Variants in KALRN observed in about 807,000 individuals in gnomAD.
KALRN encodes kalirin.
A neutral mutation model predicts 353.7 loss-of-function variants in KALRN; 70 were observed. The ratio of observed to expected loss-of-function variants is 0.20; its 90% CI spans 0.16 to 0.24. KALRN has a LOEUF of 0.24. Ranked by LOEUF, KALRN falls within the 10% of genes least tolerant of loss-of-function variation. KALRN has a pLI of 1.00. For synonymous variants in KALRN, 1,391 were observed against 1,434.8 expected, an observed-to-expected ratio of 0.97 and a Z score of 0.69; for missense variants, 2,791 against 3,756.7, an observed-to-expected ratio of 0.74 and a Z score of 6.72.
At chr3:124,166,911 G>A (rs905117406) in intron 1 of KALRN, among the ~76,000 whole-genome samples, 2 of 152,030 alleles carry the variant, frequency 1.3e-5, no homozygotes, top group Admixed American at 6.6e-5. Flanking sequence ...CAGTCCTGGT[G>A]GTATGTGCCT....
At chr3:124,368,296 C>A (rs549902980) in intron 10 of KALRN, among the ~76,000 whole-genome samples, 1,489 of 147,496 alleles carry the variant, frequency 0.01, 73 homozygotes, top group African/African-American at 0.036. Flanking sequence ...ACGCTCCTCA[C>A]TTCCCAGATG....
At chr3:124,530,944 T>A (rs2109146287) in intron 33 of KALRN, among the ~76,000 whole-genome samples, 1 of 152,316 alleles carries the variant, frequency 6.6e-6, no homozygotes, top group East Asian at 1.9e-4. Context: ...AAAATGTTGG[T>A]GGATTTAAAC....
Position 124,329,946 on chromosome 3 carries a change from A to G in KALRN, c.1370A>G (p.His457Arg). The change falls in exon 8 of 60, where the codon CAC becomes CGC. Residue 457 changes from histidine (H) to arginine (R), a missense_variant. Coordinates refer to ENST00000682506, the MANE Select transcript of KALRN (RefSeq NM_001388419.1). The stretch of plus-strand genomic sequence containing the variant: ...ATGCAAGACCTAGAGCTGGCAATCC[A>G]CCACCACCAGACCTTGTATGAGCAG... Reference protein sequence around the residue: ...SEMQDLELAIHHHQTLYEQVT... With the variant: ...SEMQDLELAIRHHQTLYEQVT... 3 of 1,613,386 alleles carry G rather than the reference A, an allele frequency of 1.9e-6. No homozygotes were observed. The highest frequency in any genetic ancestry group is 1.1e-5 in the South Asian group (1 of 91,044).
chr3:124,070,683 C>A (rs2059975593), intron 1 of KALRN, among the ~76,000 whole-genome samples: 1 of 152,218 alleles, frequency 6.6e-6, no homozygotes, highest in Non-Finnish European at 1.5e-5. Context: ...AGTCTCAGTG[C>A]CTATCCCAGT....
intron 45 of KALRN, among the ~76,000 whole-genome samples, chr3:124,665,707 C>T (rs11716957): frequency 0.028 from 4,247 of 152,222 alleles, 82 homozygotes; most frequent in East Asian, 0.079. Flanking sequence ...TCAGGTAATC[C>T]GCCTGGCTTG....
At chr3:124,304,443 T>G (rs1298593290) in intron 6 of KALRN, among the ~76,000 whole-genome samples, 1 of 152,190 alleles carries the variant, frequency 6.6e-6, no homozygotes, top group Non-Finnish European at 1.5e-5. Context: ...GCACGTTAAA[T>G]CAGAAAACTA....
chr3:124,086,312 TG>T (rs2060818343), intron 1 of KALRN, among the ~76,000 whole-genome samples: 1 of 69,588 alleles, frequency 1.4e-5, no homozygotes, highest in Admixed American at 1.6e-4. Context: ...TGTTTTGTTG[TG>T]TGTGTGTGTG....
chr3:124,330,114 CTT>C, intron 8 of KALRN, 122 bp downstream of exon 8: 1 of 1,064,046 alleles, frequency 9.4e-7, no homozygotes, highest in Non-Finnish European at 1.3e-6. Context: ...GGCTGTTTTT[CTT>C]TTTTTTTGGT....
chr3:124,417,267 A>C (rs2092555678), intron 14 of KALRN, among the ~76,000 whole-genome samples: 1 of 152,132 alleles, frequency 6.6e-6, no homozygotes, highest in Non-Finnish European at 1.5e-5. Context: ...CTTTCTCTTT[A>C]GACTTTAGTT....
At chr3:124,709,966 T>G (rs1007496389) in intron 57 of KALRN, among the ~76,000 whole-genome samples, 1 of 152,220 alleles carries the variant, frequency 6.6e-6, no homozygotes, top group Non-Finnish European at 1.5e-5. Flanking sequence ...ATCATAATGC[T>G]TTAGACATTA....
intron 1 of KALRN, among the ~76,000 whole-genome samples, chr3:124,149,746 A>C (rs764266582): frequency 3.3e-5 from 5 of 152,222 alleles, no homozygotes; most frequent in Non-Finnish European, 5.9e-5. Context: ...ATTGGTATCT[A>C]GGAAACTCTG....
At chr3:124,226,221 T>C (rs977421189) in intron 1 of KALRN, among the ~76,000 whole-genome samples, 1 of 152,208 alleles carries the variant, frequency 6.6e-6, no homozygotes, top group Non-Finnish European at 1.5e-5. Context: ...AAAAATACTT[T>C]ATATATCTAT....
chr3:124,140,788 C>T (rs1382240600), intron 1 of KALRN, among the ~76,000 whole-genome samples: 1 of 151,798 alleles, frequency 6.6e-6, no homozygotes, highest in East Asian at 1.9e-4. Context: ...AGCAGCCTTG[C>T]CCTCCCGGGG....
At chr3:124,575,014 G>A (rs1265329713) in intron 34 of KALRN, among the ~76,000 whole-genome samples, 1 of 152,208 alleles carries the variant, frequency 6.6e-6, no homozygotes, top group African/African-American at 2.4e-5. Flanking sequence ...TCTATGTGGG[G>A]GTGAAACTGC....
At chr3:124,173,940 C>T (rs901247350) in intron 1 of KALRN, among the ~76,000 whole-genome samples, 1 of 152,060 alleles carries the variant, frequency 6.6e-6, no homozygotes, top group African/African-American at 2.4e-5. Flanking sequence ...GTCAGGGCTA[C>T]CTAGAAAGAT....
intron 29 of KALRN, among the ~76,000 whole-genome samples, chr3:124,490,492 G>C (rs2063035781): frequency 6.6e-6 from 1 of 152,184 alleles, no homozygotes; most frequent in Non-Finnish European, 1.5e-5. Flanking sequence ...GGTGCAGGAA[G>C]GGGGCAGGAG....
intron 1 of KALRN, among the ~76,000 whole-genome samples, chr3:124,080,988 A>G (rs2060512737): frequency 6.6e-6 from 1 of 152,186 alleles, no homozygotes; most frequent in African/African-American, 2.4e-5. Flanking sequence ...AGCTCACTGT[A>G]TGCTCCTAAC....
rs535710826 is a variant in KALRN, at chr3:124,536,681, C to G, written c.4936-26162C>G. On this transcript the variant is annotated intron_variant, in intron 33 of 59. Transcript: ENST00000682506. ...TGAGACTCATAACTCCTAACTTATT[C>G]CATATATCATAAAGAAGCGTTGTAT... Among the ~76,000 whole-genome samples the G allele has an allele frequency of 2.6e-5, 4 of 152,268 alleles. No homozygotes were observed. The East Asian group carries it at 5.8e-4, about 22-fold the overall frequency.
intron 1 of KALRN, among the ~76,000 whole-genome samples, chr3:124,158,651 G>A (rs181791520): frequency 1.3e-5 from 2 of 152,320 alleles, no homozygotes; most frequent in Non-Finnish European, 2.9e-5. Context: ...TGGGAAAGAA[G>A]GGCTGGAGGC....
Sources: allele counts gnomAD v4.1 joint callset (sites outside exome capture counted in the v4.1 genomes callset), GRCh38; gene constraint gnomAD v4.1.1; transcripts MANE v1.5; gene names NCBI Gene and HGNC (gene_info 2026-07-23, HGNC 2026-07-21).